The following ABCC4 variants were observed in gnomAD, a reference collection of about 807,000 sequenced individuals.
ABCC4 encodes ATP binding cassette subfamily C member 4 (PEL blood group).
ABCC4 carries 102 observed loss-of-function variants against 168.5 expected under a neutral mutation model. That is an observed-to-expected ratio of 0.61 (90% CI 0.52 to 0.71). The LOEUF (loss-of-function observed/expected upper bound fraction) is 0.71, where lower values mean the gene tolerates loss of function less well. Among genes scored for constraint, ABCC4 ranks in the 30% least tolerant of loss-of-function variants. The pLI, the probability that ABCC4 is intolerant of heterozygous loss-of-function variation, is 0.00. For missense variants in ABCC4, 1,402 were observed against 1,605.8 expected, an observed-to-expected ratio of 0.87 and a Z score of 2.17; for synonymous variants, 617 against 590.7, an observed-to-expected ratio of 1.04 and a Z score of -0.65.
chr13:95,187,375 C>T (rs573118476), intron 10 of ABCC4, among the ~76,000 whole-genome samples: 3 of 152,250 alleles, frequency 2.0e-5, no homozygotes, highest in African/African-American at 7.2e-5. Flanking sequence ...GAGGCCGAGG[C>T]GGGTGGATGA....
chr13:95,243,889 C>A (rs1414868888), intron 3 of ABCC4, among the ~76,000 whole-genome samples: 7 of 111,540 alleles, frequency 6.3e-5, no homozygotes, highest in African/African-American at 2.8e-4. Flanking sequence ...CCACCTCAGA[C>A]GAAAACATAA....
intron 1 of ABCC4, among the ~76,000 whole-genome samples, chr13:95,291,528 AC>A (rs2041405325): frequency 6.6e-6 from 1 of 152,138 alleles, no homozygotes; most frequent in Admixed American, 6.6e-5. Flanking sequence ...CATTCCTAGG[AC>A]CCATCCTTTC....
chr13:95,036,070 T>C (rs2032107155), intron 29 of ABCC4, among the ~76,000 whole-genome samples: 1 of 152,230 alleles, frequency 6.6e-6, no homozygotes, highest in Admixed American at 6.5e-5. Flanking sequence ...AAATGTCCTA[T>C]AATTTGGCAT....
chr13:95,158,945 T>C (rs2036973055), intron 19 of ABCC4, among the ~76,000 whole-genome samples: 1 of 150,736 alleles, frequency 6.6e-6, no homozygotes, highest in Admixed American at 6.6e-5. Context: ...TAGCTGGCCA[T>C]GGTGACACAG....
chr13:95,281,603 C>T (rs2138918174), intron 1 of ABCC4, among the ~76,000 whole-genome samples: 1 of 152,150 alleles, frequency 6.6e-6, no homozygotes, highest in Non-Finnish European at 1.5e-5. Context: ...CCAAACTCAA[C>T]CCAAGAAATA....
In ABCC4 at chr13:95,258,306, G is replaced by A. The variant is rs79420021; in HGVS notation, c.75-10553C>T. On this transcript the variant is annotated intron_variant, in intron 1 of 30. Transcript: ENST00000645237. The stretch of plus-strand genomic sequence containing the variant: ...TGCTGTGCTTGACTGGGTCCCCTTC[G>A]TTCAGTGTTCCAGCCACCCTGGCCT... Among the ~76,000 whole-genome samples, 1,121 of 152,208 alleles carry A rather than the reference G, an allele frequency of 7.4e-3. 6 individuals are homozygous for A. The highest frequency in any genetic ancestry group is 0.013 in the Non-Finnish European group (883 of 68,012).
At position 95,204,529 on chromosome 13, in the gene ABCC4, C is replaced by T. The variant is rs187112573; in HGVS notation, c.1161+2003G>A. Among the ~76,000 whole-genome samples, 10 of 152,266 alleles carry T rather than the reference C, an allele frequency of 6.6e-5. No individual in the cohort carries two copies. In the East Asian group the frequency reaches 1.9e-3, roughly 29 times the overall value. ...TCTGGCATTTTCCCTGCTTGCACTT[C>T]TCCTTCCTGCCACCCTGTGAAGAAA... On this transcript the variant is annotated intron_variant, in intron 8 of 30. Transcript: ENST00000645237.
intron 21 of ABCC4, among the ~76,000 whole-genome samples, chr13:95,076,823 G>A (rs1167509728): frequency 1.3e-5 from 2 of 151,990 alleles, no homozygotes; most frequent in Non-Finnish European, 2.9e-5. Flanking sequence ...GCAGTGGTGT[G>A]ATCATAGCTC....
At chr13:95,199,122 TA>T (rs1226459835) in intron 8 of ABCC4, among the ~76,000 whole-genome samples, 1 of 152,102 alleles carries the variant, frequency 6.6e-6, no homozygotes, top group African/African-American at 2.4e-5. Flanking sequence ...AAAAGTATAA[TA>T]AAAAAATTAA....
intron 20 of ABCC4, among the ~76,000 whole-genome samples, chr13:95,111,718 T>C (rs1165580681): frequency 1.3e-5 from 2 of 152,248 alleles, no homozygotes; most frequent in Non-Finnish European, 2.9e-5. Flanking sequence ...ACAAATATTT[T>C]ATTGAAGTCC....
At chr13:95,140,904 A>G (rs2036298119) in intron 19 of ABCC4, among the ~76,000 whole-genome samples, 1 of 152,242 alleles carries the variant, frequency 6.6e-6, no homozygotes, top group South Asian at 2.1e-4. Flanking sequence ...TTTCATGCCT[A>G]TTATGGGAAA....
chr13:95,227,895 A>G (rs1472290047), intron 4 of ABCC4, among the ~76,000 whole-genome samples: 1 of 151,152 alleles, frequency 6.6e-6, no homozygotes, highest in East Asian at 1.9e-4. Flanking sequence ...TTTTTAGTAG[A>G]GATGGGGTTT....
At chr13:95,042,847 T>C (rs1007969365) in intron 29 of ABCC4, among the ~76,000 whole-genome samples, 4 of 151,964 alleles carry the variant, frequency 2.6e-5, no homozygotes, top group African/African-American at 9.7e-5. Context: ...ATAAAAGGAG[T>C]AGCTATCACC....
intron 30 of ABCC4, among the ~76,000 whole-genome samples, chr13:95,029,083 A>C (rs754312803): frequency 1.5e-4 from 23 of 151,234 alleles, no homozygotes; most frequent in Admixed American, 6.6e-4. Context: ...CAGGAGAATC[A>C]CTTGATGGAG....
intron 29 of ABCC4, among the ~76,000 whole-genome samples, chr13:95,037,456 G>C (rs1037970298): frequency 3.3e-5 from 5 of 152,176 alleles, no homozygotes; most frequent in African/African-American, 9.7e-5. Context: ...TCAAAGATGA[G>C]CAAGAAACAG....
intron 8 of ABCC4, among the ~76,000 whole-genome samples, chr13:95,196,633 GA>G (rs2038440301): frequency 1.3e-4 from 1 of 7,756 alleles, no homozygotes; most frequent in Non-Finnish European, 2.6e-4. Flanking sequence ...AGGAAGGAAG[GA>G]AGGAAGGAAG....
chr13:95,133,083 G>A (rs1048748031), intron 19 of ABCC4, among the ~76,000 whole-genome samples: 8 of 150,648 alleles, frequency 5.3e-5, no homozygotes, highest in African/African-American at 1.7e-4. Flanking sequence ...TCTTACGTTA[G>A]GTGCATTTTA....
chr13:95,301,118 T>C lies in ABCC4; in HGVS notation c.74+123A>G, dbSNP rs929460967. On this transcript the variant is annotated intron_variant, in intron 1 of 30. Transcript: ENST00000645237. ...AAGCCCCGGCGTGGACCGCGTGGCG[T>C]AGGAAAGCGCTCCCCTCGCCCCCAG... 11 of 893,602 alleles carry C rather than the reference T, an allele frequency of 1.2e-5. No individual in the cohort carries two copies. The Admixed American group carries it at 2.6e-4, about 21-fold the overall frequency. 55.4% of individuals were successfully genotyped at this position (893,602 alleles called of 1,614,324 possible). A position where few individuals can be genotyped will look rare whatever the true frequency, so the allele number is the denominator to read the frequency against.
intron 8 of ABCC4, among the ~76,000 whole-genome samples, chr13:95,205,229 T>C (rs2038747367): frequency 6.6e-6 from 1 of 152,150 alleles, no homozygotes; most frequent in South Asian, 2.1e-4. Context: ...TGCCTATGAA[T>C]AGCCACTATG....
Sources: allele counts gnomAD v4.1 joint callset (sites outside exome capture counted in the v4.1 genomes callset), GRCh38; gene constraint gnomAD v4.1.1; transcripts MANE v1.5; gene names NCBI Gene and HGNC (gene_info 2026-07-23, HGNC 2026-07-21).